The following RC3H2 variants were observed in gnomAD, a reference collection of about 807,000 sequenced individuals.
RC3H2 encodes the protein ring finger and CCCH-type domains 2.
A neutral mutation model predicts 133.3 loss-of-function variants in RC3H2; 31 were observed. The observed-to-expected ratio is 0.23, with a 90% CI of 0.17 to 0.31. The LOEUF (loss-of-function observed/expected upper bound fraction) is 0.31, where lower values mean the gene tolerates loss of function less well. Ranked by LOEUF, RC3H2 falls within the 10% of genes least tolerant of loss-of-function variation. The pLI, the probability that RC3H2 is intolerant of heterozygous loss-of-function variation, is 1.00. For synonymous variants in RC3H2, 517 were observed against 502.2 expected, an observed-to-expected ratio of 1.03 and a Z score of -0.40; for missense variants, 1,175 against 1,437.2, an observed-to-expected ratio of 0.82 and a Z score of 2.95.
intron 9 of RC3H2, among the ~76,000 whole-genome samples, chr9:122,877,117 C>G (rs538157232): frequency 1.3e-5 from 2 of 152,312 alleles, no homozygotes; most frequent in African/African-American, 4.8e-5. Flanking sequence ...GTCCCTCAGG[C>G]TGGAGTGCAG....
chr9:122,887,903 C>T (rs778700739), intron 4 of RC3H2, among the ~76,000 whole-genome samples: 1 of 152,088 alleles, frequency 6.6e-6, no homozygotes, highest in Non-Finnish European at 1.5e-5. Flanking sequence ...GACACCACAC[C>T]TGGCTAATTT....
intron 4 of RC3H2, among the ~76,000 whole-genome samples, chr9:122,886,330 C>T (rs1029210963): frequency 2.0e-5 from 3 of 152,102 alleles, no homozygotes; most frequent in Admixed American, 6.6e-5. Context: ...ATTGTTTCCA[C>T]CTTTTGACTA....
chr9:122,855,564 CTTAAATA>C (rs1177471874), intron 14 of RC3H2, among the ~76,000 whole-genome samples, 161 bp downstream of exon 14: 2 of 152,122 alleles, frequency 1.3e-5, no homozygotes, highest in Admixed American at 1.3e-4. Flanking sequence ...GTTCAAATAA[CTTAAATA>C]TTAAATATAA....
chr9:122,854,313 G>C (rs1249940638), intron 16 of RC3H2, 47 bp from the exon 17 acceptor site: 60 of 1,435,024 alleles, frequency 4.2e-5, no homozygotes, highest in Non-Finnish European at 5.1e-5. Context: ...AGTGAATGAA[G>C]CAACAAAAGC....
At chr9:122,902,177 C>T (rs1005172916) in intron 1 of RC3H2, among the ~76,000 whole-genome samples, 3 of 152,052 alleles carry the variant, frequency 2.0e-5, no homozygotes, top group Non-Finnish European at 2.9e-5. Context: ...GTGATCCACC[C>T]GCCTCAGCCT....
rs1830606391 is a variant in RC3H2 at position 122,865,459 on chromosome 9, T to C, written c.1524A>G (p.Ser508=). Residue 508 remains serine, a synonymous_variant, in exon 10 of 21, where the codon TCA becomes TCG. Transcript: ENST00000357244. ...CTCTTAAGGTACTGTCAGTACTACG[T>C]GAGATTAGCTGGGAAACACTGTTTT... is the stretch of plus-strand genomic sequence containing the variant. ...NAENSVSQLI[S]RSTDSTLRAL... 2 of 1,601,594 alleles carry C rather than the reference T, an allele frequency of 1.2e-6. No individual in the cohort carries two copies. Among genetic ancestry groups the C allele is most frequent in the Middle Eastern group, 3.3e-4 (2 of 6,042 alleles).
At chr9:122,889,470 T>C (rs1322251190) in intron 4 of RC3H2, among the ~76,000 whole-genome samples, 4 of 152,146 alleles carry the variant, frequency 2.6e-5, no homozygotes, top group Non-Finnish European at 4.4e-5. Context: ...AAAGTTTCCT[T>C]TCCAAAAATA....
At chr9:122,856,554 T>C (rs1289498448) in intron 13 of RC3H2, among the ~76,000 whole-genome samples, 1 of 152,186 alleles carries the variant, frequency 6.6e-6, no homozygotes, top group East Asian at 1.9e-4. Flanking sequence ...TACACCAAGC[T>C]GAGTTTATAA....
chr9:122,873,628 C>T (rs145580670), intron 9 of RC3H2, among the ~76,000 whole-genome samples: 53 of 151,708 alleles, frequency 3.5e-4, no homozygotes, highest in African/African-American at 1.2e-3. Flanking sequence ...TGGGAGAATC[C>T]CCTGAGCCTG....
intron 14 of RC3H2, 57 bp from the exon 15 acceptor site, chr9:122,855,454 A>T: frequency 6.9e-7 from 1 of 1,454,462 alleles, no homozygotes; most frequent in Non-Finnish European, 9.6e-7. Flanking sequence ...TCAGCTAGTA[A>T]ATATATGCTA....
At chr9:122,866,915 G>A (rs1830706516) in intron 9 of RC3H2, among the ~76,000 whole-genome samples, 1 of 150,230 alleles carries the variant, frequency 6.7e-6, no homozygotes, top group Non-Finnish European at 1.5e-5. Flanking sequence ...AGTCTGGAAA[G>A]TGAGAAGCGT....
At chr9:122,856,146 T>C (rs1830239627) in intron 13 of RC3H2, among the ~76,000 whole-genome samples, 1 of 152,034 alleles carries the variant, frequency 6.6e-6, no homozygotes, top group African/African-American at 2.4e-5. Context: ...ATATTTATAG[T>C]ATGGTACTAA....
At chr9:122,873,606 G>C (rs940822667) in intron 9 of RC3H2, among the ~76,000 whole-genome samples, 1 of 151,706 alleles carries the variant, frequency 6.6e-6, no homozygotes, top group Non-Finnish European at 1.5e-5. Context: ...CCAGCTACTC[G>C]AGAGGCTGAG....
At chr9:122,870,409 CAAACAA>C (rs1369543917) in intron 9 of RC3H2, among the ~76,000 whole-genome samples, 2 of 34,822 alleles carry the variant, frequency 5.7e-5, no homozygotes, top group Admixed American at 3.8e-4. Flanking sequence ...AACAAACAAA[CAAACAA>C]AAAAAAAACA....
Position 122,851,142 on chromosome 9 carries a change from G to A in RC3H2, c.3319C>T (p.Gln1107Ter). Residue 1107 changes from glutamine to a stop codon, truncating the protein, a stop_gained, in exon 20 of 21, where the codon CAG becomes TAG. Coordinates refer to ENST00000357244, the MANE Select transcript of RC3H2 (RefSeq NM_001100588.3). LOFTEE classifies it high-confidence loss of function. ...MAVENGHPVQ[Q>*]HQKEPPKQKK... is the part of the protein sequence containing the mutation. The stretch of plus-strand genomic sequence containing the variant: ...TGCTTTGGTGGCTCCTTTTGGTGCT[G>A]CTGTACTGGATGCCCATTTTCCACT... The A allele has an allele frequency of 6.2e-7, 1 of 1,614,164 alleles. No individual in the cohort carries two copies. Among genetic ancestry groups the A allele is most frequent in the Non-Finnish European group, 8.5e-7 (1 of 1,180,034 alleles).
At chr9:122,903,765 G>A (rs1162444052) in intron 1 of RC3H2, among the ~76,000 whole-genome samples, 1 of 152,170 alleles carries the variant, frequency 6.6e-6, no homozygotes, top group Non-Finnish European at 1.5e-5. Flanking sequence ...CAACGAAAAT[G>A]TCAATATTGA....
intron 1 of RC3H2, among the ~76,000 whole-genome samples, chr9:122,900,164 A>AG (rs1564323788): frequency 6.6e-6 from 1 of 152,218 alleles, no homozygotes; most frequent in East Asian, 1.9e-4. Context: ...TAGAAACATC[A>AG]GAGGTTTTAA....
chr9:122,867,237 G>GA (rs1564294340), intron 9 of RC3H2, among the ~76,000 whole-genome samples: 1 of 87,318 alleles, frequency 1.1e-5, no homozygotes, highest in Non-Finnish European at 2.3e-5. Flanking sequence ...GAGGTGGGGG[G>GA]ATCAGCCCCC....
chr9:122,876,661 A>G (rs1249835963), intron 9 of RC3H2, among the ~76,000 whole-genome samples: 1 of 152,036 alleles, frequency 6.6e-6, no homozygotes, highest in Non-Finnish European at 1.5e-5. Flanking sequence ...ACTGGCCAGC[A>G]GAAAGTAGAA....
Sources: gnomAD v4.1 joint callset for allele counts (sites outside exome capture counted in the v4.1 genomes callset) on GRCh38, gnomAD v4.1.1 for gene constraint, MANE v1.5 for transcripts, NCBI Gene and HGNC (gene_info 2026-07-23, HGNC 2026-07-21) for gene names.